DNM3: variants seen among roughly 807,000 people sequenced by gnomAD.
The protein encoded by DNM3 is dynamin-3.
DNM3 carries 47 observed loss-of-function variants against 101.6 expected under a neutral mutation model. The ratio of observed to expected loss-of-function variants is 0.46; its 90% CI spans 0.37 to 0.59. The LOEUF is 0.59. Among genes scored for constraint, DNM3 ranks in the 20% least tolerant of loss-of-function variants. DNM3 has a pLI of 0.00. For synonymous variants in DNM3, 385 were observed against 387.9 expected (o/e 0.99, Z 0.09); for missense variants, 849 against 1,085.7 (o/e 0.78, Z 3.06).
At chr1:171,994,041 T>A (rs972833032) in intron 4 of DNM3, among the ~76,000 whole-genome samples, 1 of 152,232 alleles carries the variant, frequency 6.6e-6, no homozygotes, top group East Asian at 1.9e-4. Flanking sequence ...TTTTAGTTTT[T>A]AAAACATATT....
intron 3 of DNM3, 60 bp downstream of exon 3, chr1:171,987,865 A>G: frequency 7.0e-7 from 1 of 1,438,778 alleles, no homozygotes; most frequent in South Asian, 1.6e-5. Flanking sequence ...ACATTAATTA[A>G]CATACATCAT....
chr1:172,217,761 T>C (rs953856588), intron 14 of DNM3, among the ~76,000 whole-genome samples: 1 of 152,050 alleles, frequency 6.6e-6, no homozygotes, highest in African/African-American at 2.4e-5. Flanking sequence ...GGAAAAAGAC[T>C]GAGAGGAATA....
intron 12 of DNM3, among the ~76,000 whole-genome samples, chr1:172,087,363 C>T (rs2053603528): frequency 6.6e-6 from 1 of 152,132 alleles, no homozygotes; most frequent in South Asian, 2.1e-4. Context: ...TTACCCACTC[C>T]AATGGTTTTA....
intron 18 of DNM3, 174 bp from the exon 19 acceptor site, chr1:172,386,959 T>C (rs776545222): frequency 1.7e-6 from 1 of 579,036 alleles, no homozygotes; most frequent in Non-Finnish European, 3.1e-6. Flanking sequence ...TCACCAGTAC[T>C]GGGGATAGAG....
At chr1:172,055,188 T>A (rs983895547) in intron 10 of DNM3, among the ~76,000 whole-genome samples, 2 of 152,060 alleles carry the variant, frequency 1.3e-5, no homozygotes, top group Non-Finnish European at 2.9e-5. Flanking sequence ...CTTTCTCTCC[T>A]CCTCTTGGTC....
At chr1:172,084,902 A>T (rs77248303) in intron 12 of DNM3, among the ~76,000 whole-genome samples, 2,448 of 152,218 alleles carry the variant, frequency 0.016, 65 homozygotes, top group Admixed American at 0.059. Context: ...TAATTTTTTA[A>T]AAAATGAAAA....
At position 171,981,097 on chromosome 1, in the gene DNM3, G is replaced by A. The variant is rs529762931; in HGVS notation, c.236-6559G>A. Among the ~76,000 whole-genome samples, 5 of 152,196 alleles carry A rather than the reference G, an allele frequency of 3.3e-5. No individual in the cohort carries two copies. In the East Asian group the frequency reaches 5.8e-4, roughly 18 times the overall value. On this transcript the variant is annotated intron_variant, in intron 2 of 20. Transcript: ENST00000627582. The stretch of plus-strand genomic sequence containing the variant: ...ATGTTCTTTACTCTAAATATAATAG[G>A]CATTAGGGAAACACAGAAGAGTAAA...
At chr1:172,136,049 CAT>C (rs2057209251) in intron 14 of DNM3, among the ~76,000 whole-genome samples, 1 of 152,012 alleles carries the variant, frequency 6.6e-6, no homozygotes, top group African/African-American at 2.4e-5. Context: ...AATAATGCAA[CAT>C]AGGCGTTTCC....
chr1:171,885,950 T>C (rs192575382), intron 1 of DNM3, among the ~76,000 whole-genome samples: 93 of 151,870 alleles, frequency 6.1e-4, no homozygotes, highest in Middle Eastern at 3.4e-3. Flanking sequence ...AAACTGAGAG[T>C]AGGATGAGAT....
chr1:172,333,763 C>T (rs1032801843), intron 17 of DNM3, among the ~76,000 whole-genome samples: 5 of 152,106 alleles, frequency 3.3e-5, no homozygotes, highest in Admixed American at 3.3e-4. Flanking sequence ...TGAGTTATCC[C>T]TAAAATAGAA....
chr1:172,382,424 T>A (rs1466990239), intron 18 of DNM3, among the ~76,000 whole-genome samples: 1 of 152,166 alleles, frequency 6.6e-6, no homozygotes, highest in Admixed American at 6.5e-5. Context: ...ATAATTCTGT[T>A]TGAACCTGTC....
At chr1:171,889,411 TA>T (rs887326698) in intron 1 of DNM3, among the ~76,000 whole-genome samples, 1 of 152,144 alleles carries the variant, frequency 6.6e-6, no homozygotes, top group African/African-American at 2.4e-5. Flanking sequence ...TGAATAATAT[TA>T]AAAAAATCAA....
intron 3 of DNM3, 45 bp downstream of exon 3, chr1:171,987,850 A>C: frequency 1.3e-6 from 2 of 1,487,224 alleles, no homozygotes; most frequent in Non-Finnish European, 1.8e-6. Flanking sequence ...TCAAACATTT[A>C]TACTACATTA....
chr1:172,071,630 GA>G (rs138206327), intron 11 of DNM3, among the ~76,000 whole-genome samples: 8 of 151,212 alleles, frequency 5.3e-5, no homozygotes, highest in Admixed American at 6.6e-5. Flanking sequence ...AGCTTTGTGG[GA>G]AAAAAAAATC....
At chr1:172,014,171 T>C in intron 4 of DNM3, among the ~76,000 whole-genome samples, 1 of 152,108 alleles carries the variant, frequency 6.6e-6, no homozygotes. Context: ...GGTATAAATA[T>C]ATATGATGGA....
intron 4 of DNM3, among the ~76,000 whole-genome samples, chr1:172,021,428 G>C (rs2047845577): frequency 6.6e-6 from 1 of 152,034 alleles, no homozygotes; most frequent in African/African-American, 2.4e-5. Flanking sequence ...TTACACTCCA[G>C]CCTGGCAACA....
chr1:171,988,894 A>G (rs1173784362), intron 3 of DNM3, 51 bp from the exon 4 acceptor site: 3 of 1,464,748 alleles, frequency 2.0e-6, no homozygotes, highest in African/African-American at 1.4e-5. Context: ...CTGTATTGTT[A>G]TCTTTTAGCA....
At chr1:172,245,087 A>G (rs1021031182) in intron 14 of DNM3, among the ~76,000 whole-genome samples, 1 of 152,164 alleles carries the variant, frequency 6.6e-6, no homozygotes, top group Non-Finnish European at 1.5e-5. Flanking sequence ...GGCTGTTCAT[A>G]TGTTCATTCA....
intron 14 of DNM3, chr1:172,140,294 G>A (rs918529004): frequency 3.3e-5 from 5 of 151,590 alleles, no homozygotes; most frequent in Admixed American, 6.6e-5. Context: ...ATTCTGTTTC[G>A]GCCATCACTT....
Sources: allele counts gnomAD v4.1 joint callset (sites outside exome capture counted in the v4.1 genomes callset), GRCh38; gene constraint gnomAD v4.1.1; transcripts MANE v1.5; gene names NCBI Gene and HGNC (gene_info 2026-07-23, HGNC 2026-07-21).